The following HYOU1 variants were observed in gnomAD, a reference collection of about 807,000 sequenced individuals.
The protein encoded by HYOU1 is hypoxia up-regulated 1.
A neutral mutation model predicts 120.5 loss-of-function variants in HYOU1; 40 were observed. That is an observed-to-expected ratio of 0.33 (90% CI 0.26 to 0.43). The LOEUF is 0.43. Among genes scored for constraint, HYOU1 ranks in the 20% least tolerant of loss-of-function variants. The pLI is 1.00. For synonymous variants in HYOU1, 501 were observed against 479.4 expected, an observed-to-expected ratio of 1.05 and a Z score of -0.59; for missense variants, 1,085 against 1,278.3, an observed-to-expected ratio of 0.85 and a Z score of 2.31.
chr11:119,046,388 C>A (rs186846537), intron 24 of HYOU1, 29 bp downstream of exon 24: 1 of 1,612,060 alleles, frequency 6.2e-7, no homozygotes, highest in Non-Finnish European at 8.5e-7. Flanking sequence ...GCAACATCCA[C>A]GTGCTCAACC....
chr11:119,049,281 C>T lies in HYOU1; in HGVS notation c.1807-78G>A, dbSNP rs1390904915. ...CAGGCCTGGCTCGGCACCGCCGACC[C>T]CATGGGGGTTCCATACAGGTGACTG... On this transcript the variant is annotated intron_variant, in intron 16 of 25. Coordinates refer to ENST00000617285, the MANE Select transcript of HYOU1 (RefSeq NM_006389.5). The T allele has an allele frequency of 2.5e-6, 4 of 1,588,940 alleles. No individual in the cohort carries two copies. The East Asian group carries it at 9.1e-5, about 36-fold the overall frequency.
Position 119,044,807 on chromosome 11 carries a change from T to C in HYOU1, c.*786A>G. On this transcript the variant is annotated 3_prime_UTR_variant, in exon 26 of 26. Coordinates refer to ENST00000617285, the MANE Select transcript of HYOU1 (RefSeq NM_006389.5). The stretch of plus-strand genomic sequence containing the variant: ...GGGAAGATGCAGATTATGACAGAGC[T>C]TGCACGATGCTGGCACCCCATGCCA... 4.0e-6 allele frequency: 1 copy of C among 248,288 alleles called. No homozygotes were observed. The highest frequency in any genetic ancestry group is 2.2e-5 in the African/African-American group (1 of 45,568). 15.4% of individuals were successfully genotyped at this position (248,288 alleles called of 1,614,324 possible).
In HYOU1 at chr11:119,046,481, AG is replaced by A. The variant is rs1490722413; in HGVS notation, c.2837-15del. ...CTTCAGTCTGGCCTAGAAGGAAACCAGGGGTAAGACATAGCCTCAGGAAGGA... is the reference window on the plus strand; with the variant it reads ...CTTCAGTCTGGCCTAGAAGGAAACCAGGGTAAGACATAGCCTCAGGAAGGA... On this transcript the variant is annotated splice_polypyrimidine_tract_variant and intron_variant, in intron 23 of 25. Transcript: ENST00000617285. The A allele has an allele frequency of 2.5e-6, 4 of 1,614,002 alleles. No homozygotes were observed. Among genetic ancestry groups the A allele is most frequent in the African/African-American group, 2.7e-5 (2 of 74,894 alleles).
At chr11:119,047,866 G>A in intron 21 of HYOU1, 48 bp from the exon 22 acceptor site, 7 of 1,612,814 alleles carry the variant, frequency 4.3e-6, no homozygotes, top group Non-Finnish European at 5.9e-6. Flanking sequence ...GAGGGGCCTG[G>A]AGTGTGGGGA....
chr11:119,045,790 G>T lies in HYOU1; in HGVS notation c.2929C>A (p.Pro977Thr). 6.2e-7 allele frequency: 1 copy of T among 1,612,146 alleles called. No individual in the cohort carries two copies. Among genetic ancestry groups the T allele is most frequent in the Non-Finnish European group, 8.5e-7 (1 of 1,179,548 alleles). Residue 977 changes from proline to threonine, a missense_variant, in exon 25 of 26, where the codon CCT becomes ACT. This residue lies in a region of HYOU1 where 516 missense variants were observed against 517.1 expected (regional missense o/e 1.00). Transcript: ENST00000617285. ...CCGGCTCCATCCTCACCTGCTCCAG[G>T]ACCTCCTAACTCCAAAGGCTCAGTG... is the stretch of plus-strand genomic sequence containing the variant. ...GDTEPLELGG[P>T]GAEPEQKEQS...
At position 119,052,451 on chromosome 11, in the gene HYOU1, CA is replaced by C. The variant is rs1219817838; in HGVS notation, c.988-23del. ...CAATCTGGGAGAGGATGGGGACTGT[CA>C]GGGGGTTCTTGCCCAGCTCCCGCTC... On this transcript the variant is annotated intron_variant, in intron 9 of 25. Transcript: ENST00000617285. This position sits in a 1 kb window ranked among gnomAD's most constrained non-coding sequence, Gnocchi z 5.0. 1.2e-6 allele frequency: 2 copies of C among 1,614,052 alleles called. No individual in the cohort carries two copies. The highest frequency in any genetic ancestry group is 1.7e-6 in the Non-Finnish European group (2 of 1,180,002).
rs1303723039 is a variant in HYOU1, at chr11:119,045,169, C to T, written c.*424G>A. 1 of 458,392 alleles carries T rather than the reference C, an allele frequency of 2.2e-6. No homozygotes were observed. Among genetic ancestry groups the T allele is most frequent in the Non-Finnish European group, 4.4e-6 (1 of 228,122 alleles). The allele number at this position is 458,392 out of a possible 1,614,324, so 28.4% of individuals were successfully genotyped here. On this transcript the variant is annotated 3_prime_UTR_variant, in exon 26 of 26. Transcript: ENST00000617285. ...GCAGACACTGGCCTGAAAGGATGCTCATCGCATGGTGGGAGAGGAAGGGAG... is the reference window on the plus strand; with the variant it reads ...GCAGACACTGGCCTGAAAGGATGCTTATCGCATGGTGGGAGAGGAAGGGAG...
rs2133612673 is a variant in HYOU1, at chr11:119,055,348, T to A, written c.265-9A>T. On this transcript the variant is annotated splice_polypyrimidine_tract_variant and intron_variant, in intron 4 of 25. Coordinates refer to ENST00000617285, the MANE Select transcript of HYOU1 (RefSeq NM_006389.5). This position sits in a 1 kb window ranked among gnomAD's most constrained non-coding sequence, Gnocchi z 4.0. ...TTTGGATTCTTAATCGCCTGAGGGG[T>A]GAAGAAGGAGCAGACTAGTATTAGG... is the stretch of plus-strand genomic sequence containing the variant. The A allele has an allele frequency of 2.3e-5, 37 of 1,611,794 alleles. 1 individual carries two copies. The South Asian group carries it at 4.1e-4, about 18-fold the overall frequency.
Position 119,055,689 on chromosome 11 carries a change from C to T in HYOU1, c.185+61G>A, listed in dbSNP as rs976801950. ...TCTGCTGTGGGCACTATGACTAACACATTCACACTTGGAGCCCAGACTCCC... is the reference window on the plus strand; with the variant it reads ...TCTGCTGTGGGCACTATGACTAACATATTCACACTTGGAGCCCAGACTCCC... On this transcript the variant is annotated intron_variant, in intron 3 of 25. Coordinates refer to ENST00000617285, the MANE Select transcript of HYOU1 (RefSeq NM_006389.5). The surrounding 1 kb of genome is among the most constrained non-coding windows in gnomAD (Gnocchi z 4.0). 22 of 1,513,796 alleles carry T rather than the reference C, an allele frequency of 1.5e-5. No individual in the cohort carries two copies. Among genetic ancestry groups the T allele is most frequent in the African/African-American group, 6.9e-5 (5 of 72,882 alleles). 93.8% of individuals were successfully genotyped at this position (1,513,796 alleles called of 1,614,324 possible).
rs2133605546 is a variant in HYOU1, at chr11:119,054,520, G to T, written c.652C>A (p.Arg218=). ...TGGGCAGTGGTGTTAATATCTTTCC[G>T]GCGGAAGACACCATAGCTGAGGGCA... The part of the protein sequence containing the change: ...ATALSYGVFR[R]KDINTTAQNI... Residue 218 remains arginine (R), a synonymous_variant, in exon 7 of 26, where the codon CGG becomes AGG. Transcript: ENST00000617285. 3 of 1,614,108 alleles carry T rather than the reference G, an allele frequency of 1.9e-6. No individual in the cohort carries two copies. The South Asian group carries it at 3.3e-5, about 18-fold the overall frequency.
chr11:119,049,386 T>G, intron 16 of HYOU1, 170 bp downstream of exon 16: 1 of 1,563,518 alleles, frequency 6.4e-7, no homozygotes, highest in Non-Finnish European at 8.6e-7. Context: ...ATGAGGGGAA[T>G]GGGCCTTGGG....
chr11:119,045,970 G>C, intron 24 of HYOU1, 139 bp from the exon 25 acceptor site: 4 of 852,054 alleles, frequency 4.7e-6, no homozygotes, highest in South Asian at 4.6e-5. Flanking sequence ...TGCCTACTCT[G>C]TTTTTTGAGA....
At chr11:119,056,619 T>C (rs1296072597) in intron 1 of HYOU1, among the ~76,000 whole-genome samples, 1 of 152,190 alleles carries the variant, frequency 6.6e-6, no homozygotes, top group Non-Finnish European at 1.5e-5. Context: ...AGAAAGGTAA[T>C]GACGTTGGGG....
At position 119,048,606 on chromosome 11, in the gene HYOU1, G is replaced by T; in HGVS notation, c.2166-43C>A. ...GGTAGGGATGAGGGAGAGGGCAAGT[G>T]AGAACTTGAGACTCTGGGTCCGACA... On this transcript the variant is annotated intron_variant, in intron 18 of 25. Coordinates refer to ENST00000617285, the MANE Select transcript of HYOU1 (RefSeq NM_006389.5). This position sits in a 1 kb window ranked among gnomAD's most constrained non-coding sequence, Gnocchi z 4.7. The T allele has an allele frequency of 6.2e-7, 1 of 1,610,120 alleles. No individual in the cohort carries two copies. The highest frequency in any genetic ancestry group is 2.2e-5 in the East Asian group (1 of 44,840).
At position 119,048,909 on chromosome 11, in the gene HYOU1, G is replaced by A. The variant is rs2133568411; in HGVS notation, c.1993-23C>T. 25 of 1,604,274 alleles carry A rather than the reference G, an allele frequency of 1.6e-5. No homozygotes were observed. The highest frequency in any genetic ancestry group is 3.3e-4 in the Middle Eastern group (2 of 6,026). On this transcript the variant is annotated intron_variant, in intron 17 of 25. Transcript: ENST00000617285. The surrounding 1 kb of genome is among the most constrained non-coding windows in gnomAD (Gnocchi z 4.7). ...TTTCTGGGTGGGAAGAGTCAGGGGT[G>A]TCAGGAAAAGCCTCTGCCCTCCTAC...
intron 22 of HYOU1, among the ~76,000 whole-genome samples, 159 bp from the exon 23 acceptor site, chr11:119,046,961 G>C (rs761797193): frequency 6.6e-6 from 1 of 152,182 alleles, no homozygotes; most frequent in Admixed American, 6.5e-5. Context: ...CCTCAGAAGG[G>C]TATTAAAGGT....
At chr11:119,054,391 A>G in intron 7 of HYOU1, 103 bp downstream of exon 7, 1 of 1,336,850 alleles carries the variant, frequency 7.5e-7, no homozygotes, top group South Asian at 1.3e-5. Context: ...GCATTTTGCC[A>G]AGGGTCAGCC....
rs1944116627 is a variant in HYOU1, at chr11:119,046,945, CAG to C, written c.2596-145_2596-144del. 14 of 1,054,180 alleles carry C rather than the reference CAG, an allele frequency of 1.3e-5. 1 individual carries two copies. Among genetic ancestry groups the C allele is most frequent in the Middle Eastern group, 6.3e-4 (2 of 3,176 alleles). 65.3% of individuals were successfully genotyped at this position (1,054,180 alleles called of 1,614,324 possible). A position where few individuals can be genotyped will look rare whatever the true frequency, so the allele number is the denominator to read the frequency against. On this transcript the variant is annotated intron_variant, in intron 22 of 25. Transcript: ENST00000617285. ...CCTGGCCTCAGCCCCAAGAGGCTAA[CAG>C]ACTCCTCAGAAGGGTATTAAAGGTT...
In HYOU1 at chr11:119,051,822, G is replaced by A; in HGVS notation, c.1335C>T (p.Ile445=). 1 of 1,614,178 alleles carries A rather than the reference G, an allele frequency of 6.2e-7. No individual in the cohort carries two copies. The highest frequency in any genetic ancestry group is 8.5e-7 in the Non-Finnish European group (1 of 1,180,016). The stretch of plus-strand genomic sequence containing the variant: ...CTGCTCAGTCAGGCTCACTCACCAG[G>A]ATGGGGTAGACCACTGCATCTCGGA... ...FVVRDAVVYP[I]LVEFTREVEE... Residue 445 remains isoleucine, a synonymous_variant, in exon 12 of 26, where the codon ATC becomes ATT. Transcript: ENST00000617285. This position sits in a 1 kb window ranked among gnomAD's most constrained non-coding sequence, Gnocchi z 4.2.
Sources: gnomAD v4.1 joint callset for allele counts (sites outside exome capture counted in the v4.1 genomes callset) on GRCh38, gnomAD v4.1.1 for gene constraint, gnomAD v4.1.1 regional missense constraint, Gnocchi (gnomAD v3.1) non-coding constraint, MANE v1.5 for transcripts, NCBI Gene and HGNC (gene_info 2026-07-23, HGNC 2026-07-21) for gene names.